The following LETM1 variants were observed in gnomAD, a reference collection of about 807,000 sequenced individuals.
The protein encoded by LETM1 is leucine zipper and EF-hand containing transmembrane protein 1, also known as mitochondrial proton/calcium exchanger protein.
Under a neutral mutation model 74.5 loss-of-function variants are expected in LETM1, and 50 were observed. The observed-to-expected ratio is 0.67, with a 90% CI of 0.53 to 0.85. LETM1 has a LOEUF of 0.85. Ranked by LOEUF, LETM1 falls within the 40% of genes least tolerant of loss-of-function variation. The pLI is 0.00. For synonymous variants in LETM1, 446 were observed against 407.1 expected (o/e 1.10, Z -1.15); for missense variants, 824 against 967.8 (o/e 0.85, Z 1.97).
At position 1,813,969 on chromosome 4, in the gene LETM1, G is replaced by A. The variant is rs879534913; in HGVS notation, c.*455C>T. On this transcript the variant is annotated 3_prime_UTR_variant, in exon 14 of 14. Coordinates refer to ENST00000302787, the MANE Select transcript of LETM1 (RefSeq NM_012318.3). ...AATCTAGAAATCAAGGTCCACAGGCGAATGGAGGCATCTTCAGCCCTGAGG... is the reference window on the plus strand; with the variant it reads ...AATCTAGAAATCAAGGTCCACAGGCAAATGGAGGCATCTTCAGCCCTGAGG... 40 of 187,868 alleles carry A rather than the reference G, an allele frequency of 2.1e-4. No homozygotes were observed. Among genetic ancestry groups the A allele is most frequent in the Non-Finnish European group, 3.6e-4 (32 of 88,034 alleles). 11.6% of individuals were successfully genotyped at this position (187,868 alleles called of 1,614,324 possible).
intron 13 of LETM1, 57 bp downstream of exon 13, chr4:1,815,607 C>T: frequency 6.3e-7 from 1 of 1,598,506 alleles, no homozygotes; most frequent in Non-Finnish European, 8.5e-7. Context: ...GTCCCCCTGC[C>T]CCACCCCACT....
In LETM1 at chr4:1,855,955, T is replaced by C; in HGVS notation, c.-5A>G. 8.2e-7 allele frequency: 1 copy of C among 1,214,200 alleles called. No individual in the cohort carries two copies. Among genetic ancestry groups the C allele is most frequent in the Non-Finnish European group, 1.0e-6 (1 of 977,418 alleles). 75.2% of individuals were successfully genotyped at this position (1,214,200 alleles called of 1,614,324 possible). On this transcript the variant is annotated 5_prime_UTR_variant, in exon 1 of 14. Coordinates refer to ENST00000302787, the MANE Select transcript of LETM1 (RefSeq NM_012318.3). ...CCTCAGTAAGATGGACGCCATGTGC[T>C]CGGGCGCGGCGGCCGCTCCGGCCTC...
chr4:1,833,228 A>C, intron 5 of LETM1: 2 of 414,324 alleles, frequency 4.8e-6, no homozygotes, highest in African/African-American at 2.0e-5. Context: ...GCGCCACCAC[A>C]CCCAGCTAAT....
intron 1 of LETM1, among the ~76,000 whole-genome samples, chr4:1,853,715 A>G (rs1284681650): frequency 6.6e-6 from 1 of 152,212 alleles, no homozygotes; most frequent in Non-Finnish European, 1.5e-5. Context: ...GTGAACAGTA[A>G]CAGATCAAGG....
rs1031864706 is a variant in LETM1, at chr4:1,823,581, A to T, written c.1332+63T>A. 6 of 1,598,470 alleles carry T rather than the reference A, an allele frequency of 3.8e-6. No homozygotes were observed. The African/African-American group carries it at 8.0e-5, about 21-fold the overall frequency. Reference sequence around the variant, plus strand: ...TGAGTGCGCTTGCACACCTCCCCCCACCCCAGAAGAGCGGAGCCACCTATG... The same window carrying T: ...TGAGTGCGCTTGCACACCTCCCCCCTCCCCAGAAGAGCGGAGCCACCTATG... On this transcript the variant is annotated intron_variant, in intron 8 of 13. Coordinates refer to ENST00000302787, the MANE Select transcript of LETM1 (RefSeq NM_012318.3).
chr4:1,816,636 G>C, intron 12 of LETM1, 91 bp downstream of exon 12: 1 of 1,294,072 alleles, frequency 7.7e-7, no homozygotes. Context: ...GTGCCCTTTG[G>C]AGCCAGAAGG....
chr4:1,821,020 T>A (rs1317019198), intron 10 of LETM1, among the ~76,000 whole-genome samples: 1 of 151,696 alleles, frequency 6.6e-6, no homozygotes. Context: ...AGATCCCACC[T>A]CAAAAGAAAA....
rs1722500304 is a variant in LETM1 at position 1,812,595 on chromosome 4, CAGACACCACTTTT to C, written c.*1816_*1828del. The C allele has an allele frequency of 6.6e-6, 1 of 152,284 alleles. No homozygotes were observed. Among genetic ancestry groups the C allele is most frequent in the Admixed American group, 6.5e-5 (1 of 15,268 alleles). 9.4% of individuals were successfully genotyped at this position (152,284 alleles called of 1,614,324 possible). A position where few individuals can be genotyped will look rare whatever the true frequency, so the allele number is the denominator to read the frequency against. On this transcript the variant is annotated 3_prime_UTR_variant, in exon 14 of 14. Transcript: ENST00000302787. ...ATCCACCACTGCTTACATTTGCACC[CAGACACCACTTTT>C]AGGTGCAAGAAGAAAGGTCAGGACA...
chr4:1,828,372 G>T (rs1712097428), intron 6 of LETM1, among the ~76,000 whole-genome samples: 1 of 113,386 alleles, frequency 8.8e-6, no homozygotes, highest in African/African-American at 3.6e-5. Context: ...TGGCCGGGCG[G>T]GGGGCTGACA....
In LETM1 at chr4:1,849,133, A is replaced by C. The variant is rs372150102; in HGVS notation, c.143+16T>G. 4 of 1,592,712 alleles carry C rather than the reference A, an allele frequency of 2.5e-6. No individual in the cohort carries two copies. In the African/African-American group the frequency reaches 5.4e-5, roughly 21 times the overall value. ...TTTTCAAACAGACAGGTGCAGAGTG[A>C]TACTGATTTACTCACAGGCAGTTCC... On this transcript the variant is annotated intron_variant, in intron 2 of 13. Transcript: ENST00000302787.
At chr4:1,824,131 T>C (rs1398557719) in intron 7 of LETM1, among the ~76,000 whole-genome samples, 1 of 152,182 alleles carries the variant, frequency 6.6e-6, no homozygotes, top group Admixed American at 6.5e-5. Flanking sequence ...GAGACCAGCC[T>C]GGCCAACATG....
At chr4:1,854,026 T>C (rs1225525388) in intron 1 of LETM1, among the ~76,000 whole-genome samples, 3 of 152,212 alleles carry the variant, frequency 2.0e-5, no homozygotes, top group Non-Finnish European at 4.4e-5. Flanking sequence ...GTGTTAAAAG[T>C]ACTTTTATCA....
intron 1 of LETM1, among the ~76,000 whole-genome samples, chr4:1,849,449 A>G (rs1367784822): frequency 2.0e-5 from 3 of 151,460 alleles, no homozygotes; most frequent in Admixed American, 6.6e-5. Flanking sequence ...TTTTTAGTAG[A>G]GACAGGGTTT....
chr4:1,817,245 CAAAAAA>C (rs60805612), intron 11 of LETM1, among the ~76,000 whole-genome samples: 2 of 66,068 alleles, frequency 3.0e-5, no homozygotes, highest in African/African-American at 6.2e-5. Context: ...ACTCTGTCTC[CAAAAAA>C]AAAAAAAAAA....
At chr4:1,854,013 G>A (rs545300436) in intron 1 of LETM1, among the ~76,000 whole-genome samples, 2 of 152,222 alleles carry the variant, frequency 1.3e-5, no homozygotes, top group African/African-American at 2.4e-5. Context: ...TAATAAGCAC[G>A]AAGTGTTAAA....
At chr4:1,841,237 C>T (rs757480732) in intron 3 of LETM1, 110 bp downstream of exon 3, 3 of 952,822 alleles carry the variant, frequency 3.1e-6, no homozygotes, top group East Asian at 2.6e-5. Flanking sequence ...CCCAGATACT[C>T]GGGAGGCTGA....
chr4:1,818,738 G>A (rs1445123061), intron 11 of LETM1, among the ~76,000 whole-genome samples: 1 of 152,126 alleles, frequency 6.6e-6, no homozygotes, highest in Non-Finnish European at 1.5e-5. Context: ...TCATGAATAA[G>A]ATCTCGTCAA....
intron 1 of LETM1, among the ~76,000 whole-genome samples, chr4:1,850,081 G>C (rs949309910): frequency 1.3e-5 from 2 of 152,176 alleles, no homozygotes; most frequent in African/African-American, 4.8e-5. Flanking sequence ...TTGAACCTGG[G>C]AGGCAAAGGT....
chr4:1,822,086 C>G (rs2108838014), intron 10 of LETM1, 95 bp downstream of exon 10: 1 of 1,241,056 alleles, frequency 8.1e-7, no homozygotes, highest in Admixed American at 3.0e-5. Context: ...CTATAGATGC[C>G]CCAGCTAACC....
Sources: allele counts gnomAD v4.1 joint callset (sites outside exome capture counted in the v4.1 genomes callset), GRCh38; gene constraint gnomAD v4.1.1; transcripts MANE v1.5; gene names NCBI Gene and HGNC (gene_info 2026-07-23, HGNC 2026-07-21).